The following PDE2A variants were observed in gnomAD, a reference collection of about 807,000 sequenced individuals.
PDE2A encodes phosphodiesterase 2A.
Under a neutral mutation model 133.6 loss-of-function variants are expected in PDE2A, and 53 were observed. That is an observed-to-expected ratio of 0.40 (90% confidence interval 0.32 to 0.50). The LOEUF (loss-of-function observed/expected upper bound fraction) is 0.50, where lower values mean the gene tolerates loss of function less well. PDE2A is among the 20% of genes least tolerant of loss of function. The pLI, the probability that PDE2A is intolerant of heterozygous loss-of-function variation, is 0.73. For synonymous variants in PDE2A, 491 were observed against 490.2 expected (o/e 1.00, Z -0.02); for missense variants, 796 against 1,232.4 (o/e 0.65, Z 5.30).
chr11:72,616,632 C>T (rs966660280), intron 2 of PDE2A, among the ~76,000 whole-genome samples: 2 of 152,192 alleles, frequency 1.3e-5, no homozygotes, highest in South Asian at 2.1e-4. Context: ...CCCAGTCTGG[C>T]ACAGTTACAG....
chr11:72,642,267 G>A lies in PDE2A; in HGVS notation c.131C>T (p.Ala44Val), dbSNP rs1858986762. The change falls in exon 2 of 31, where the codon GCC (alanine) becomes GTC (valine). Residue 44 changes from alanine to valine, a missense_variant. Transcript: ENST00000334456. ...GGGCCCCCCTACCTGCAGGCTGTCG[G>A]CGCATGGCTGCGGCGGCGGCGGCGG... is the stretch of plus-strand genomic sequence containing the variant. Reference protein sequence around the residue: ...DEPPPPPQPCADSLQDALLSL... With the variant: ...DEPPPPPQPCVDSLQDALLSL... The A allele has an allele frequency of 1.3e-6, 2 of 1,543,700 alleles. No individual in the cohort carries two copies. Among genetic ancestry groups the A allele is most frequent in the African/African-American group, 2.8e-5 (2 of 70,474 alleles).
chr11:72,629,923 A>G (rs143566381), intron 2 of PDE2A, among the ~76,000 whole-genome samples: 53 of 152,228 alleles, frequency 3.5e-4, no homozygotes, highest in Admixed American at 2.3e-3. Context: ...GGGCTGATAC[A>G]AGCATCATCT....
chr11:72,623,503 AC>A (rs371860045), intron 2 of PDE2A, among the ~76,000 whole-genome samples: 1 of 148,388 alleles, frequency 6.7e-6, no homozygotes, highest in Non-Finnish European at 1.5e-5. Flanking sequence ...ACCTTAACAA[AC>A]CCCCCATGCC....
intron 2 of PDE2A, among the ~76,000 whole-genome samples, chr11:72,620,865 T>C (rs758337049): frequency 3.4e-5 from 5 of 149,204 alleles, no homozygotes; most frequent in Non-Finnish European, 7.4e-5. Flanking sequence ...GGGACAGAAG[T>C]TGGGGGAGAG....
intron 1 of PDE2A, among the ~76,000 whole-genome samples, chr11:72,670,449 C>T (rs2030620989): frequency 6.6e-6 from 1 of 152,162 alleles, no homozygotes. Flanking sequence ...AGTGCCTCTG[C>T]CTCCAATTCC....
At chr11:72,621,216 C>T (rs1330164956) in intron 2 of PDE2A, among the ~76,000 whole-genome samples, 1 of 152,158 alleles carries the variant, frequency 6.6e-6, no homozygotes, top group East Asian at 1.9e-4. Flanking sequence ...CATCCTGCCT[C>T]CAGGAAGCCT....
chr11:72,579,085 A>G, intron 27 of PDE2A, 76 bp from the exon 28 acceptor site: 1 of 1,177,922 alleles, frequency 8.5e-7, no homozygotes, highest in African/African-American at 1.5e-5. Context: ...CCCAGGGCCC[A>G]ACCCAGAGCG....
At position 72,578,807 on chromosome 11, in the gene PDE2A, C is replaced by T. The variant is rs527963458; in HGVS notation, c.2469+90G>A. 51 of 794,464 alleles carry T rather than the reference C, an allele frequency of 6.4e-5. No individual in the cohort carries two copies. In the African/African-American group the frequency reaches 7.7e-4, roughly 12 times the overall value. 49.2% of individuals were successfully genotyped at this position (794,464 alleles called of 1,614,324 possible). ...CTCCCCAGAACACAGCCAGGCTGAG[C>T]TGAGCAGAGAGAGGGTATTCAGGCA... On this transcript the variant is annotated intron_variant, in intron 28 of 30. Transcript: ENST00000334456. The surrounding 1 kb of genome is among the most constrained non-coding windows in gnomAD (Gnocchi z 4.2).
chr11:72,598,447 C>T (rs1856585700), intron 4 of PDE2A: 21 of 1,192,568 alleles, frequency 1.8e-5, no homozygotes, highest in Non-Finnish European at 2.2e-5. Context: ...TTCTCTCTGT[C>T]CCACCACACA....
In PDE2A at chr11:72,632,780, C is replaced by T. The variant is rs181243845; in HGVS notation, c.144+9474G>A. On this transcript the variant is annotated intron_variant, in intron 2 of 30. Coordinates refer to ENST00000334456, the MANE Select transcript of PDE2A (RefSeq NM_002599.5). ...ACTGGAGAATCCAGCTCCCCCCTCA[C>T]ACCTCCCACCACCCCCAGGACAGGT... 4.9e-3 allele frequency among the ~76,000 whole-genome samples: 739 copies of T among 152,104 alleles called. 6 individuals carry two copies. Among genetic ancestry groups the T allele is most frequent in the African/African-American group, 0.016 (659 of 41,482 alleles).
chr11:72,657,368 A>G (rs1186685868), intron 1 of PDE2A, among the ~76,000 whole-genome samples: 1 of 152,148 alleles, frequency 6.6e-6, no homozygotes, highest in East Asian at 1.9e-4. Flanking sequence ...ATGAAAAGAA[A>G]GGGGGAAGGA....
intron 19 of PDE2A, 103 bp downstream of exon 19, chr11:72,584,098 G>A (rs1259463477): frequency 1.5e-6 from 1 of 675,526 alleles, no homozygotes; most frequent in Admixed American, 2.3e-5. Context: ...GCCAGACCAA[G>A]GGATCAATCC....
intron 3 of PDE2A, among the ~76,000 whole-genome samples, chr11:72,605,659 C>A (rs1856937717): frequency 6.6e-6 from 1 of 152,226 alleles, no homozygotes; most frequent in African/African-American, 2.4e-5. Context: ...TTCTAGGAAG[C>A]ATCCCTCCTT....
intron 19 of PDE2A, 40 bp downstream of exon 19, chr11:72,584,161 C>A (rs1480718869): frequency 1.2e-6 from 1 of 835,684 alleles, no homozygotes. Context: ...TGGGCCCCGC[C>A]CCCTATCACC....
Position 72,597,651 on chromosome 11 carries a change from C to A in PDE2A, c.324-32G>T. ...AGAGGACATGATGCCACCTTGAGAG[C>A]CCCCGACTCAGGGAGGAACGAGGCC... On this transcript the variant is annotated intron_variant, in intron 4 of 30. Coordinates refer to ENST00000334456, the MANE Select transcript of PDE2A (RefSeq NM_002599.5). This position sits in a 1 kb window ranked among gnomAD's most constrained non-coding sequence, Gnocchi z 4.6. The A allele has an allele frequency of 5.5e-6, 8 of 1,444,286 alleles. No homozygotes were observed. Among genetic ancestry groups the A allele is most frequent in the Non-Finnish European group, 7.8e-6 (8 of 1,031,724 alleles). The allele number at this position is 1,444,286 out of a possible 1,614,324, so 89.5% of individuals were successfully genotyped here.
Position 72,674,235 on chromosome 11 carries a change from AGACT to A in PDE2A, c.-32_-29del, listed in dbSNP as rs1855451457. The A allele has an allele frequency of 1.3e-6, 2 of 1,598,394 alleles. No individual in the cohort carries two copies. Among genetic ancestry groups the A allele is most frequent in the African/African-American group, 1.3e-5 (1 of 74,656 alleles). On this transcript the variant is annotated 5_prime_UTR_variant, in exon 1 of 31. Coordinates refer to ENST00000334456, the MANE Select transcript of PDE2A (RefSeq NM_002599.5). ...CTCCTCATCGTCCGCCTCCCCAGCC[AGACT>A]AAGGTGGCACCTCGCCCTGTCCCCG...
intron 2 of PDE2A, among the ~76,000 whole-genome samples, chr11:72,615,305 GT>G (rs1436074626): frequency 1.3e-5 from 2 of 152,164 alleles, no homozygotes; most frequent in African/African-American, 4.8e-5. Context: ...CCTCCCGGTT[GT>G]CCCCCGCACC....
At position 72,585,178 on chromosome 11, in the gene PDE2A, A is replaced by C; in HGVS notation, c.1286+193T>G. The stretch of plus-strand genomic sequence containing the variant: ...CACTGTGATAGGAGCTGAGGATCCA[A>C]AGCCAGCCCTGTCCCTGCTGTATTG... On this transcript the variant is annotated intron_variant, in intron 16 of 30. Transcript: ENST00000334456. 3 of 648,908 alleles carry C rather than the reference A, an allele frequency of 4.6e-6. No homozygotes were observed. The East Asian group carries it at 8.2e-5, about 18-fold the overall frequency. 40.2% of individuals were successfully genotyped at this position (648,908 alleles called of 1,614,324 possible).
chr11:72,614,949 C>G, intron 2 of PDE2A: 1 of 337,164 alleles, frequency 3.0e-6, no homozygotes, highest in Non-Finnish European at 7.1e-6. Context: ...CTGCCAGAGA[C>G]CTTTCCTCCT....
Sources: allele counts gnomAD v4.1 joint callset (sites outside exome capture counted in the v4.1 genomes callset), GRCh38; gene constraint gnomAD v4.1.1; non-coding constraint Gnocchi (gnomAD v3.1); transcripts MANE v1.5; gene names NCBI Gene and HGNC (gene_info 2026-07-23, HGNC 2026-07-21).